Variants in SLC14A2 observed in about 807,000 individuals in gnomAD.
SLC14A2 encodes solute carrier family 14 member 2, also known as urea transporter 2.
A neutral mutation model predicts 104.6 loss-of-function variants in SLC14A2; 91 were observed. That is an observed-to-expected ratio of 0.87 (90% CI 0.73 to 1.04). The LOEUF (loss-of-function observed/expected upper bound fraction) is 1.04, where lower values mean the gene tolerates loss of function less well. SLC14A2 is among the 50% of genes least tolerant of loss of function. The pLI, the probability that SLC14A2 is intolerant of heterozygous loss-of-function variation, is 0.00. For synonymous variants in SLC14A2, 476 were observed against 466.4 expected (o/e 1.02, Z -0.27); for missense variants, 1,189 against 1,156.0 (o/e 1.03, Z -0.41).
intron 2 of SLC14A2, among the ~76,000 whole-genome samples, chr18:45,492,712 G>T (rs753723364): frequency 7.9e-5 from 12 of 152,192 alleles, no homozygotes; most frequent in Non-Finnish European, 1.8e-4. Flanking sequence ...ATGGCTAGCT[G>T]GTTCGCAGCT....
intron 1 of SLC14A2, among the ~76,000 whole-genome samples, chr18:45,475,934 A>G (rs890736933): frequency 6.6e-6 from 1 of 151,364 alleles, no homozygotes; most frequent in Non-Finnish European, 1.5e-5. Context: ...TCTTTATCCA[A>G]TTTTCCAGCC....
At chr18:45,419,384 C>T (rs992853618) in intron 1 of SLC14A2, among the ~76,000 whole-genome samples, 12 of 152,142 alleles carry the variant, frequency 7.9e-5, no homozygotes, top group Non-Finnish European at 1.8e-4. Context: ...TCTCTGATGC[C>T]CCTTCACTCT....
intron 1 of SLC14A2, among the ~76,000 whole-genome samples, chr18:45,243,497 G>T (rs1207463367): frequency 6.6e-6 from 1 of 152,162 alleles, no homozygotes; most frequent in Non-Finnish European, 1.5e-5. Context: ...TGCTCACAAG[G>T]ACTTAAAATG....
At chr18:45,203,346 C>T in the SLC14A2 span, among the ~76,000 whole-genome samples, 1 of 152,194 alleles carries the variant, frequency 6.6e-6, no homozygotes, top group Non-Finnish European at 1.5e-5. Flanking sequence ...ATATTGACTA[C>T]TCTTCTCAAA....
At chr18:45,426,447 A>G (rs1334463500) in intron 1 of SLC14A2, among the ~76,000 whole-genome samples, 2 of 151,296 alleles carry the variant, frequency 1.3e-5, no homozygotes, top group South Asian at 2.1e-4. Flanking sequence ...GTCATATGGT[A>G]CCTGTTTGTT....
chr18:45,541,249 A>G (rs1159947462), intron 2 of SLC14A2, among the ~76,000 whole-genome samples: 1 of 152,168 alleles, frequency 6.6e-6, no homozygotes, highest in Non-Finnish European at 1.5e-5. Flanking sequence ...CTGTGCCCAT[A>G]TCTGCTGCCA....
At chr18:45,582,486 A>AT (rs1311045240) in intron 2 of SLC14A2, among the ~76,000 whole-genome samples, 1 of 150,238 alleles carries the variant, frequency 6.7e-6, no homozygotes, top group Non-Finnish European at 1.5e-5. Flanking sequence ...AGCCATATCA[A>AT]TAAAAAAAAA....
At chr18:45,292,231 C>T (rs552450356) in intron 1 of SLC14A2, among the ~76,000 whole-genome samples, 1 of 152,256 alleles carries the variant, frequency 6.6e-6, no homozygotes, top group African/African-American at 2.4e-5. Flanking sequence ...ATGCTAATCC[C>T]TATAGCTGGC....
At chr18:45,218,784 G>A (rs867361945) in intron 1 of SLC14A2, among the ~76,000 whole-genome samples, 7 of 151,898 alleles carry the variant, frequency 4.6e-5, no homozygotes, top group Non-Finnish European at 2.9e-5. Flanking sequence ...AAGATGCCCC[G>A]CACGAAAGCA....
intron 1 of SLC14A2, among the ~76,000 whole-genome samples, chr18:45,388,064 C>CTTTTTTTTTT (rs58962313): frequency 1.3e-4 from 9 of 69,092 alleles, no homozygotes; most frequent in African/African-American, 5.4e-4. Flanking sequence ...TTGCTCATAT[C>CTTTTTTTTTT]TTTTTTTTTT....
intron 1 of SLC14A2, among the ~76,000 whole-genome samples, chr18:45,422,508 T>C (rs2086363474): frequency 6.6e-6 from 1 of 151,550 alleles, no homozygotes; most frequent in Non-Finnish European, 1.5e-5. Flanking sequence ...AAGCGTGAGG[T>C]GGAAGGGGAG....
intron 1 of SLC14A2, among the ~76,000 whole-genome samples, chr18:45,468,085 T>G (rs570240811): frequency 2.0e-5 from 3 of 152,184 alleles, no homozygotes; most frequent in Non-Finnish European, 4.4e-5. Flanking sequence ...TCAGGAGTAG[T>G]GCCTTCCGCT....
chr18:45,297,188 C>T (rs547646923), intron 1 of SLC14A2, among the ~76,000 whole-genome samples: 15 of 152,092 alleles, frequency 9.9e-5, no homozygotes, highest in Admixed American at 6.5e-4. Flanking sequence ...AGTCTGTTCA[C>T]CCAATAATGC....
intron 8 of SLC14A2, among the ~76,000 whole-genome samples, chr18:45,641,846 A>G (rs1277461750): frequency 6.6e-6 from 1 of 152,206 alleles, no homozygotes; most frequent in Non-Finnish European, 1.5e-5. Flanking sequence ...AATCATAACC[A>G]CATTATGGAA....
intron 1 of SLC14A2, among the ~76,000 whole-genome samples, chr18:45,396,545 C>T (rs1411054835): frequency 6.6e-6 from 1 of 151,532 alleles, no homozygotes; most frequent in Non-Finnish European, 1.5e-5. Context: ...GGGGGTTTTC[C>T]ATTTATTTGT....
chr18:45,231,807 AG>A lies in SLC14A2; in HGVS notation c.-125+18617del, dbSNP rs535948554. ...GAATTTGGTAGTTCATTCAGTGAGTAGTTACTGAGCATCTGTAAGTGTTATG... is the reference window on the plus strand; with the variant it reads ...GAATTTGGTAGTTCATTCAGTGAGTATTACTGAGCATCTGTAAGTGTTATG... On this transcript the variant is annotated intron_variant, in intron 1 of 20. Coordinates refer to the SLC14A2 transcript ENST00000586448. Among the ~76,000 whole-genome samples the A allele has an allele frequency of 5.3e-5, 8 of 152,338 alleles. No individual in the cohort carries two copies. In the East Asian group the frequency reaches 1.5e-3, roughly 29 times the overall value.
intron 19 of SLC14A2, 60 bp downstream of exon 19, chr18:45,679,084 C>A: frequency 6.6e-7 from 1 of 1,509,430 alleles, no homozygotes. Context: ...CTCTTGGCTT[C>A]CCCAAACCTG....
At chr18:45,596,582 A>C (rs928810260) in intron 2 of SLC14A2, among the ~76,000 whole-genome samples, 4 of 152,194 alleles carry the variant, frequency 2.6e-5, no homozygotes, top group African/African-American at 9.6e-5. Context: ...CTACCATGGC[A>C]GGTGTGCGTG....
At chr18:45,273,227 C>T (rs749727455) in intron 1 of SLC14A2, among the ~76,000 whole-genome samples, 26 of 152,244 alleles carry the variant, frequency 1.7e-4, no homozygotes, top group Non-Finnish European at 2.9e-4. Flanking sequence ...GACCATCCAA[C>T]AGTTCCAAGA....
Sources: allele counts gnomAD v4.1 joint callset (sites outside exome capture counted in the v4.1 genomes callset), GRCh38; gene constraint gnomAD v4.1.1; transcripts MANE v1.5; gene names NCBI Gene and HGNC (gene_info 2026-07-23, HGNC 2026-07-21).